KLHL4: variants seen among roughly 807,000 people sequenced by gnomAD.
The protein encoded by KLHL4 is kelch-like protein 4.
KLHL4 carries 17 observed loss-of-function variants against 45.8 expected under a neutral mutation model. The ratio of observed to expected loss-of-function variants is 0.37; its 90% confidence interval spans 0.25 to 0.56. KLHL4 has a LOEUF of 0.56. Among genes scored for constraint, KLHL4 ranks in the 20% least tolerant of loss-of-function variants. The pLI is 0.79. For missense variants in KLHL4, 544 were observed against 544.9 expected (o/e 1.00, Z 0.02); for synonymous variants, 224 against 189.9 (o/e 1.18, Z -1.47).
Position 87,635,599 on chromosome X carries a change from C to T in KLHL4, c.1749C>T (p.Cys583=), listed in dbSNP as rs1569358545. The T allele has an allele frequency of 8.3e-7, 1 of 1,210,346 alleles. No individual in the cohort carries two copies. The highest frequency in any genetic ancestry group is 3.0e-5 in the East Asian group (1 of 33,808). Residue 583 remains cysteine, a synonymous_variant, in exon 9 of 11, where the codon TGC becomes TGT. Transcript: ENST00000373119. ...YAIGGRDGSS[C]LKSMEYFDPH... The stretch of plus-strand genomic sequence containing the variant: ...TTGGTGGACGTGATGGAAGTTCCTG[C>T]CTCAAATCAATGGAATACTTTGACC...
chrX:87,539,119 T>C (rs1931497901), intron 1 of KLHL4, among the ~76,000 whole-genome samples: 1 of 111,322 alleles, frequency 9.0e-6, no homozygotes, highest in South Asian at 3.7e-4. Flanking sequence ...AATTCGATTC[T>C]GTATATTATA....
chrX:87,592,228 A>G (rs1569348674), intron 1 of KLHL4, among the ~76,000 whole-genome samples: 1 of 111,772 alleles, frequency 8.9e-6, no homozygotes, highest in Non-Finnish European at 1.9e-5. Flanking sequence ...TCCATTATGT[A>G]TAAGTACTGC....
At chrX:87,633,281 A>T (rs899281197) in intron 7 of KLHL4, among the ~76,000 whole-genome samples, 25 of 112,041 alleles carry the variant, frequency 2.2e-4, no homozygotes, top group Non-Finnish European at 4.1e-4. Context: ...AACATTAAAA[A>T]GCTCTGTCTG....
At chrX:87,528,706 C>CAAAAAAAAAAA (rs1160857135) in intron 1 of KLHL4, among the ~76,000 whole-genome samples, 7 of 31,495 alleles carry the variant, frequency 2.2e-4, no homozygotes, top group Non-Finnish European at 3.3e-4. Context: ...CAAAGCGAGA[C>CAAAAAAAAAAA]AAAAAAAAAA....
At chrX:87,650,957 A>G (rs980922484) in intron 9 of KLHL4, among the ~76,000 whole-genome samples, 2 of 111,540 alleles carry the variant, frequency 1.8e-5, no homozygotes, top group African/African-American at 3.3e-5. Flanking sequence ...TAGCAAAAGA[A>G]CAGTATGAGG....
chrX:87,519,207 G>A (rs908382614), intron 1 of KLHL4, among the ~76,000 whole-genome samples: 1 of 111,020 alleles, frequency 9.0e-6, no homozygotes, highest in African/African-American at 3.3e-5. Flanking sequence ...GATAATATTG[G>A]CAATGTAATT....
intron 1 of KLHL4, among the ~76,000 whole-genome samples, chrX:87,569,939 T>C (rs1218624064): frequency 4.5e-5 from 5 of 111,329 alleles, no homozygotes; most frequent in Non-Finnish European, 9.5e-5. Context: ...CTAAAAGCCA[T>C]TGTATTTTAC....
At chrX:87,603,632 T>G (rs1922088666) in intron 1 of KLHL4, among the ~76,000 whole-genome samples, 1 of 111,312 alleles carries the variant, frequency 9.0e-6, no homozygotes, top group African/African-American at 3.3e-5. Flanking sequence ...ACATATATGT[T>G]ATATAATGAT....
intron 8 of KLHL4, among the ~76,000 whole-genome samples, chrX:87,634,925 T>G (rs910606646): frequency 8.9e-6 from 1 of 111,811 alleles, no homozygotes; most frequent in African/African-American, 3.3e-5. Flanking sequence ...GAATATGGAT[T>G]AATAAATGTC....
rs369012707 is a variant in KLHL4, at chrX:87,665,085, G to A, written c.2097+150G>A. The A allele has an allele frequency of 2.3e-5, 9 of 396,151 alleles. No homozygotes were observed. The East Asian group carries it at 3.6e-4, about 16-fold the overall frequency. 32.6% of individuals were successfully genotyped at this position (396,151 alleles called of 1,213,427 possible). On this transcript the variant is annotated intron_variant, in intron 10 of 10. Coordinates refer to ENST00000373119, the MANE Select transcript of KLHL4 (RefSeq NM_019117.5). ...TAGTATGTGCTCTATCTATGCCTTA[G>A]AGAATTACAAGTTGATCTAGTTGAT...
intron 1 of KLHL4, among the ~76,000 whole-genome samples, chrX:87,599,697 TTGGAG>T (rs1475147408): frequency 9.0e-6 from 1 of 110,840 alleles, no homozygotes; most frequent in Non-Finnish European, 1.9e-5. Context: ...AAACACAGGC[TTGGAG>T]GATTGTACCA....
intron 1 of KLHL4, among the ~76,000 whole-genome samples, chrX:87,551,604 T>TAGAG (rs1199393954): frequency 9.2e-6 from 1 of 109,089 alleles, no homozygotes; most frequent in African/African-American, 3.3e-5. Context: ...GATAGATAGA[T>TAGAG]AGATAGAAAT....
intron 1 of KLHL4, among the ~76,000 whole-genome samples, chrX:87,525,552 A>G (rs1335857648): frequency 9.0e-6 from 1 of 111,631 alleles, no homozygotes; most frequent in African/African-American, 3.2e-5. Flanking sequence ...ATAAGATTTT[A>G]CAAGTAGACT....
At chrX:87,598,242 T>G (rs1180749092) in intron 1 of KLHL4, among the ~76,000 whole-genome samples, 1 of 111,103 alleles carries the variant, frequency 9.0e-6, no homozygotes, top group Non-Finnish European at 1.9e-5. Context: ...TTCTAATATA[T>G]TTTAAAATTA....
chrX:87,589,329 A>G (rs1318951761), intron 1 of KLHL4, among the ~76,000 whole-genome samples: 1 of 112,069 alleles, frequency 8.9e-6, no homozygotes, highest in Non-Finnish European at 1.9e-5. Context: ...AAGAAAGGAA[A>G]TCAGTATATT....
chrX:87,597,666 T>C (rs1003475880), intron 1 of KLHL4, among the ~76,000 whole-genome samples: 13 of 111,728 alleles, frequency 1.2e-4, no homozygotes, highest in South Asian at 1.1e-3. Flanking sequence ...TTTGTTTTTC[T>C]GCGTGTAGAA....
chrX:87,669,280 A>G lies in KLHL4; in HGVS notation c.*2746A>G, dbSNP rs760091553. 19 of 1,201,398 alleles carry G rather than the reference A, an allele frequency of 1.6e-5. No homozygotes were observed. The highest frequency in any genetic ancestry group is 2.1e-5 in the Non-Finnish European group (19 of 889,711). On this transcript the variant is annotated 3_prime_UTR_variant, in exon 11 of 11. Coordinates refer to ENST00000373119, the MANE Select transcript of KLHL4 (RefSeq NM_019117.5). ...CCCTACTCTGCAACTCTCAGCATGCATCATGATGATTCTCTAACACTGTCT... is the reference window on the plus strand; with the variant it reads ...CCCTACTCTGCAACTCTCAGCATGCGTCATGATGATTCTCTAACACTGTCT...
At chrX:87,628,873 T>C (rs897246762) in intron 6 of KLHL4, among the ~76,000 whole-genome samples, 3 of 112,212 alleles carry the variant, frequency 2.7e-5, no homozygotes, top group African/African-American at 9.7e-5. Context: ...TCCTACAATG[T>C]ATTTGAAAGA....
chrX:87,596,761 C>A (rs774327262), intron 1 of KLHL4, among the ~76,000 whole-genome samples: 10 of 111,974 alleles, frequency 8.9e-5, no homozygotes, highest in Non-Finnish European at 1.1e-4. Context: ...TTGCAACTAT[C>A]ACTTCTAGTA....
Sources: allele counts gnomAD v4.1 joint callset (sites outside exome capture counted in the v4.1 genomes callset), GRCh38; gene constraint gnomAD v4.1.1; transcripts MANE v1.5; gene names NCBI Gene and HGNC (gene_info 2026-07-23, HGNC 2026-07-21).